The following CEMIP variants were observed in gnomAD, a reference collection of about 807,000 sequenced individuals.
CEMIP encodes cell migration-inducing and hyaluronan-binding protein.
Under a neutral mutation model 156.9 loss-of-function variants are expected in CEMIP, and 105 were observed. The observed-to-expected ratio is 0.67, with a 90% confidence interval of 0.57 to 0.79. The LOEUF (loss-of-function observed/expected upper bound fraction) is 0.79. Among genes scored for constraint, CEMIP ranks in the 30% least tolerant of loss-of-function variants. CEMIP has a pLI of 0.00. For synonymous variants in CEMIP, 676 were observed against 668.4 expected, an observed-to-expected ratio of 1.01 and a Z score of -0.17; for missense variants, 1,457 against 1,769.4, an observed-to-expected ratio of 0.82 and a Z score of 3.17.
chr15:80,865,397 G>T (rs1218700708), intron 1 of CEMIP, among the ~76,000 whole-genome samples: 1 of 152,062 alleles, frequency 6.6e-6, no homozygotes, highest in Non-Finnish European at 1.5e-5. Context: ...GGCCAGGATG[G>T]TCTCTATCTC....
At chr15:80,833,019 G>T (rs1297072157) in intron 1 of CEMIP, among the ~76,000 whole-genome samples, 1 of 152,166 alleles carries the variant, frequency 6.6e-6, no homozygotes, top group African/African-American at 2.4e-5. Context: ...GAGAGAGAGA[G>T]ACCCCAGTGG....
chr15:80,919,819 A>C (rs1332905779), intron 14 of CEMIP, among the ~76,000 whole-genome samples: 3 of 151,842 alleles, frequency 2.0e-5, no homozygotes, highest in Non-Finnish European at 4.4e-5. Context: ...CATCTCAAAA[A>C]AAAAAAAAGT....
chr15:80,787,436 T>TA (rs1426820239), intron 1 of CEMIP, among the ~76,000 whole-genome samples: 2 of 152,200 alleles, frequency 1.3e-5, no homozygotes, highest in Non-Finnish European at 2.9e-5. Context: ...CTACTGGCCA[T>TA]ACCAAAACAC....
intron 1 of CEMIP, among the ~76,000 whole-genome samples, chr15:80,823,099 T>C (rs1202349619): frequency 6.6e-6 from 1 of 152,206 alleles, no homozygotes; most frequent in Non-Finnish European, 1.5e-5. Flanking sequence ...AATCCTTTCT[T>C]ACGCTAAGAT....
chr15:80,871,449 A>G (rs1305399705), intron 1 of CEMIP, among the ~76,000 whole-genome samples: 1 of 152,244 alleles, frequency 6.6e-6, no homozygotes, highest in Admixed American at 6.5e-5. Flanking sequence ...CATCTGTGAT[A>G]TAATTAGAAG....
intron 14 of CEMIP, among the ~76,000 whole-genome samples, chr15:80,913,207 C>T (rs1191326111): frequency 6.6e-6 from 1 of 152,144 alleles, no homozygotes; most frequent in Non-Finnish European, 1.5e-5. Context: ...TGGGCAGCCA[C>T]CTTTGCTCTT....
chr15:80,899,925 T>C (rs1899401249), intron 12 of CEMIP, among the ~76,000 whole-genome samples: 1 of 152,218 alleles, frequency 6.6e-6, no homozygotes, highest in Non-Finnish European at 1.5e-5. Context: ...TCAGACCATC[T>C]GAGCTGATGT....
chr15:80,936,313 TTC>T (rs138713855), intron 23 of CEMIP, among the ~76,000 whole-genome samples: 95 of 149,272 alleles, frequency 6.4e-4, no homozygotes, highest in Non-Finnish European at 5.7e-4. Flanking sequence ...ATTAAAAAAG[TTC>T]TCTCTCTCTC....
chr15:80,909,694 T>C (rs1471315834), intron 14 of CEMIP: 6 of 449,416 alleles, frequency 1.3e-5, no homozygotes, highest in Non-Finnish European at 1.8e-5. Flanking sequence ...AGATTTGAGA[T>C]GGTGACAACA....
At chr15:80,845,055 C>A (rs1202672101) in intron 1 of CEMIP, among the ~76,000 whole-genome samples, 2 of 152,110 alleles carry the variant, frequency 1.3e-5, no homozygotes, top group African/African-American at 4.8e-5. Context: ...TAAATATTAT[C>A]CATATACATA....
At chr15:80,846,311 C>G (rs1415647868) in intron 1 of CEMIP, among the ~76,000 whole-genome samples, 1 of 152,178 alleles carries the variant, frequency 6.6e-6, no homozygotes, top group African/African-American at 2.4e-5. Flanking sequence ...AGCGCTCTTC[C>G]CCCGTCTCTC....
chr15:80,906,969 T>C lies in CEMIP; in HGVS notation c.1587+131T>C, dbSNP rs569026610. Reference sequence around the variant, plus strand: ...GTGGGATCAAGGGGAGGGCGCCTTCTGGAAGTTTGAGAAGTCTTATGTATT... The same window carrying C: ...GTGGGATCAAGGGGAGGGCGCCTTCCGGAAGTTTGAGAAGTCTTATGTATT... On this transcript the variant is annotated intron_variant, in intron 13 of 29. Coordinates refer to ENST00000394685, the MANE Select transcript of CEMIP (RefSeq NM_001293298.2). This position sits in a 1 kb window ranked among gnomAD's most constrained non-coding sequence, Gnocchi z 4.3. 8.7e-5 allele frequency: 85 copies of C among 977,244 alleles called. No individual in the cohort carries two copies. The South Asian group carries it at 1.1e-3, about 13-fold the overall frequency. The allele number at this position is 977,244 out of a possible 1,614,324, so 60.5% of individuals were successfully genotyped here.
intron 14 of CEMIP, among the ~76,000 whole-genome samples, chr15:80,916,474 G>A (rs1900278941): frequency 2.0e-5 from 3 of 152,294 alleles, no homozygotes; most frequent in East Asian, 1.9e-4. Flanking sequence ...CAAGAGAATG[G>A]GGGGAGAACT....
chr15:80,929,263 C>T, intron 21 of CEMIP, 89 bp downstream of exon 21: 2 of 1,470,780 alleles, frequency 1.4e-6, no homozygotes, highest in South Asian at 2.3e-5. Context: ...GTAGTTTCTA[C>T]CTGTTGACTA....
intron 1 of CEMIP, among the ~76,000 whole-genome samples, chr15:80,838,546 G>A (rs25431): frequency 0.68 from 102,566 of 151,626 alleles, 35,191 homozygotes; most frequent in East Asian, 0.83. Context: ...TTGGATTGAA[G>A]TTCCCAGATA....
At chr15:80,825,770 G>T (rs1219016494) in intron 1 of CEMIP, among the ~76,000 whole-genome samples, 2 of 152,234 alleles carry the variant, frequency 1.3e-5, no homozygotes, top group African/African-American at 4.8e-5. Flanking sequence ...GTGGCAAGAT[G>T]CAGGATGACC....
chr15:80,829,984 G>GTA (rs1265499943), intron 1 of CEMIP, among the ~76,000 whole-genome samples: 6 of 135,188 alleles, frequency 4.4e-5, no homozygotes, highest in Admixed American at 7.7e-5. Context: ...GTGTGTGTGT[G>GTA]TGTGTGTGTG....
chr15:80,878,616 G>A (rs1190621826), intron 3 of CEMIP, 105 bp from the exon 4 acceptor site: 1 of 1,442,882 alleles, frequency 6.9e-7, no homozygotes, highest in East Asian at 2.3e-5. Flanking sequence ...TAACAGAGAG[G>A]AGGTAGGGGC....
chr15:80,788,766 G>A (rs1039550328), intron 1 of CEMIP, among the ~76,000 whole-genome samples: 4 of 151,934 alleles, frequency 2.6e-5, no homozygotes, highest in African/African-American at 7.2e-5. Flanking sequence ...TTGCACTAAC[G>A]TTGCTGAGCC....
Sources: gnomAD v4.1 joint callset for allele counts (sites outside exome capture counted in the v4.1 genomes callset) on GRCh38, gnomAD v4.1.1 for gene constraint, Gnocchi (gnomAD v3.1) non-coding constraint, MANE v1.5 for transcripts, NCBI Gene and HGNC (gene_info 2026-07-23, HGNC 2026-07-21) for gene names.